PTPRT: variants seen among roughly 807,000 people sequenced by gnomAD.
The protein encoded by PTPRT is receptor-type tyrosine-protein phosphatase T.
A neutral mutation model predicts 176.8 loss-of-function variants in PTPRT; 56 were observed. The observed-to-expected ratio is 0.32, with a 90% CI of 0.26 to 0.40. The LOEUF (loss-of-function observed/expected upper bound fraction) is 0.40. PTPRT is among the 10% of genes least tolerant of loss of function. PTPRT has a pLI of 1.00. For synonymous variants in PTPRT, 783 were observed against 739.0 expected (o/e 1.06, Z -0.96); for missense variants, 1,540 against 1,908.2 (o/e 0.81, Z 3.60).
At chr20:42,289,903 G>A (rs1241999882) in intron 12 of PTPRT, among the ~76,000 whole-genome samples, 1 of 151,934 alleles carries the variant, frequency 6.6e-6, no homozygotes, top group Non-Finnish European at 1.5e-5. Context: ...ATGCCAAAAC[G>A]TTTGTTTTCT....
intron 9 of PTPRT, among the ~76,000 whole-genome samples, chr20:42,428,720 T>C (rs1038324522): frequency 2.0e-5 from 3 of 152,156 alleles, no homozygotes; most frequent in African/African-American, 7.2e-5. Flanking sequence ...GTCACCTCCA[T>C]TGTGGGCATG....
At chr20:42,779,948 T>C (rs1178289169) in intron 4 of PTPRT, among the ~76,000 whole-genome samples, 2 of 152,050 alleles carry the variant, frequency 1.3e-5, no homozygotes, top group Non-Finnish European at 2.9e-5. Context: ...ATCAGGACTT[T>C]AGACTCCCTT....
chr20:42,743,619 T>C (rs976494492), intron 6 of PTPRT, among the ~76,000 whole-genome samples: 10 of 152,178 alleles, frequency 6.6e-5, no homozygotes, highest in African/African-American at 2.4e-4. Flanking sequence ...GTCACTTAAG[T>C]CTAATTAGCA....
At chr20:43,105,925 G>A (rs116399877) in intron 1 of PTPRT, among the ~76,000 whole-genome samples, 68 of 151,978 alleles carry the variant, frequency 4.5e-4, no homozygotes, top group African/African-American at 1.5e-3. Flanking sequence ...TACACTCTTC[G>A]GCACTCCAGG....
chr20:42,068,611 C>T (rs149911663), downstream of PTPRT, among the ~76,000 whole-genome samples: 667 of 152,258 alleles, frequency 4.4e-3, 7 homozygotes, highest in African/African-American at 0.015. Context: ...GGCACCTGGG[C>T]GGGATGAGCC....
intron 7 of PTPRT, among the ~76,000 whole-genome samples, chr20:42,595,035 A>G (rs2073646464): frequency 6.6e-6 from 1 of 152,114 alleles, no homozygotes; most frequent in South Asian, 2.1e-4. Flanking sequence ...AATGTTGGTC[A>G]GAACTCTGGG....
chr20:42,620,738 A>C (rs2074178489), intron 7 of PTPRT, among the ~76,000 whole-genome samples: 2 of 152,152 alleles, frequency 1.3e-5, no homozygotes, highest in African/African-American at 4.8e-5. Flanking sequence ...TTTGACTTCG[A>C]AAGGGAACTC....
At chr20:42,627,482 G>C (rs962126100) in intron 7 of PTPRT, among the ~76,000 whole-genome samples, 7 of 151,872 alleles carry the variant, frequency 4.6e-5, no homozygotes, top group Non-Finnish European at 1.0e-4. Flanking sequence ...GTGTTACCTA[G>C]GTTGGTCTTG....
chr20:42,356,208 C>T (rs374431078), intron 9 of PTPRT, among the ~76,000 whole-genome samples: 7 of 151,970 alleles, frequency 4.6e-5, no homozygotes, highest in African/African-American at 4.8e-5. Context: ...CATTTATAAG[C>T]GGGGAAAACG....
At chr20:42,365,987 C>T (rs1377220043) in intron 9 of PTPRT, among the ~76,000 whole-genome samples, 1 of 152,232 alleles carries the variant, frequency 6.6e-6, no homozygotes, top group Admixed American at 6.5e-5. Flanking sequence ...TCCCCCTCCT[C>T]ACCTGCAGCC....
At chr20:42,162,426 G>A (rs1462355667) in intron 16 of PTPRT, among the ~76,000 whole-genome samples, 1 of 152,112 alleles carries the variant, frequency 6.6e-6, no homozygotes, top group Non-Finnish European at 1.5e-5. Flanking sequence ...ACTGATGCCT[G>A]GTCAGATTGG....
At chr20:42,240,992 A>C (rs2056342991) in intron 14 of PTPRT, among the ~76,000 whole-genome samples, 1 of 152,218 alleles carries the variant, frequency 6.6e-6, no homozygotes, top group Non-Finnish European at 1.5e-5. Flanking sequence ...TAATCTTCAC[A>C]ATAACCTTAT....
At chr20:42,034,523 GA>G in the PTPRT span, among the ~76,000 whole-genome samples, 1 of 152,266 alleles carries the variant, frequency 6.6e-6, no homozygotes, top group East Asian at 1.9e-4. Flanking sequence ...AATACCTAAA[GA>G]TTGAGTCTCA....
intron 4 of PTPRT, among the ~76,000 whole-genome samples, chr20:42,771,934 C>G (rs923640400): frequency 2.6e-5 from 4 of 152,196 alleles, no homozygotes; most frequent in Non-Finnish European, 4.4e-5. Context: ...CCAAACTGAT[C>G]ATTGCTTCTG....
chr20:42,395,366 C>A (rs935326971), intron 9 of PTPRT, among the ~76,000 whole-genome samples: 1 of 152,160 alleles, frequency 6.6e-6, no homozygotes, highest in African/African-American at 2.4e-5. Context: ...CATCTAAGAC[C>A]AACTCTTCTA....
intron 1 of PTPRT, among the ~76,000 whole-genome samples, chr20:42,952,252 A>C (rs1414972582): frequency 6.6e-6 from 1 of 152,208 alleles, no homozygotes; most frequent in Non-Finnish European, 1.5e-5. Flanking sequence ...GCCTGGGCCC[A>C]TCCATCGCAG....
At chr20:42,300,872 A>G (rs2057457041) in intron 12 of PTPRT, among the ~76,000 whole-genome samples, 2 of 142,138 alleles carry the variant, frequency 1.4e-5, no homozygotes, top group African/African-American at 5.3e-5. Flanking sequence ...AAAACCAAAC[A>G]CCGCATATTC....
chr20:42,500,565 T>A (rs1389595110), intron 7 of PTPRT, among the ~76,000 whole-genome samples: 2 of 152,134 alleles, frequency 1.3e-5, no homozygotes, highest in Admixed American at 1.3e-4. Flanking sequence ...CCAGTAATTA[T>A]TCATTTTACT....
chr20:42,357,034 T>C (rs1292834367), intron 9 of PTPRT, among the ~76,000 whole-genome samples: 1 of 152,202 alleles, frequency 6.6e-6, no homozygotes, highest in Non-Finnish European at 1.5e-5. Flanking sequence ...CAGGTTCTTA[T>C]TTTACGTTTC....
Sources: allele counts gnomAD v4.1 joint callset (sites outside exome capture counted in the v4.1 genomes callset), GRCh38; gene constraint gnomAD v4.1.1; transcripts MANE v1.5; gene names NCBI Gene and HGNC (gene_info 2026-07-23, HGNC 2026-07-21).